RB1: variants seen among roughly 807,000 people sequenced by gnomAD.
The protein encoded by RB1 is RB transcriptional corepressor 1.
Under a neutral mutation model 135.4 loss-of-function variants are expected in RB1, and 18 were observed. The observed-to-expected ratio is 0.13, with a 90% CI of 0.09 to 0.20. RB1 has a LOEUF of 0.20. Among genes scored for constraint, RB1 ranks in the 10% least tolerant of loss-of-function variants. RB1 has a pLI of 1.00. For synonymous variants in RB1, 365 were observed against 373.2 expected, an observed-to-expected ratio of 0.98 and a Z score of 0.25; for missense variants, 868 against 1,110.0, an observed-to-expected ratio of 0.78 and a Z score of 3.10.
intron 2 of RB1, among the ~76,000 whole-genome samples, chr13:48,335,908 G>C (rs923024680): frequency 3.3e-5 from 5 of 151,976 alleles, no homozygotes; most frequent in African/African-American, 7.3e-5. Context: ...GAGTGGATGA[G>C]AGTGCTGAGG....
intron 20 of RB1, among the ~76,000 whole-genome samples, chr13:48,460,082 G>T (rs1949395607): frequency 1.3e-5 from 2 of 150,460 alleles, no homozygotes; most frequent in South Asian, 4.2e-4. Flanking sequence ...TGATTCTCCT[G>T]CCTCAGCCTC....
At chr13:48,441,969 T>C (rs1189655187) in intron 17 of RB1, among the ~76,000 whole-genome samples, 3 of 152,224 alleles carry the variant, frequency 2.0e-5, no homozygotes, top group African/African-American at 7.2e-5. Flanking sequence ...GCCTTGTCAC[T>C]TAGCAGTACA....
rs886043138 is a variant in RB1, at chr13:48,303,928, C to T, written c.16C>T (p.Pro6Ser). ...GAAAGGCGTCATGCCGCCCAAAACC[C>T]CCCGAAAAACGGCCGCCACCGCCGC... MPPKTPRKTAATAAAA... is the reference protein window; with the variant it reads MPPKTSRKTAATAAAA... The change falls in exon 1 of 27, where the codon CCC becomes TCC. Residue 6 changes from proline to serine, a missense_variant. Coordinates refer to ENST00000267163, the MANE Select transcript of RB1 (RefSeq NM_000321.3). 1.3e-5 allele frequency: 19 copies of T among 1,511,630 alleles called. No individual in the cohort carries two copies. In the Admixed American group the frequency reaches 2.9e-4, roughly 23 times the overall value. 93.6% of individuals were successfully genotyped at this position (1,511,630 alleles called of 1,614,324 possible).
At chr13:48,304,091 C>G (rs957863843) in intron 1 of RB1, 42 bp downstream of exon 1, 2 of 1,377,976 alleles carry the variant, frequency 1.5e-6, no homozygotes, top group African/African-American at 3.1e-5. Flanking sequence ...GGGAAGGGCG[C>G]CCCGGGTGTG....
intron 17 of RB1, among the ~76,000 whole-genome samples, chr13:48,445,428 C>A (rs777943843): frequency 2.6e-5 from 4 of 152,188 alleles, no homozygotes; most frequent in Non-Finnish European, 4.4e-5. Flanking sequence ...ATACAGCAAC[C>A]TCTTCTTTAG....
intron 17 of RB1, among the ~76,000 whole-genome samples, chr13:48,404,603 T>C (rs144422975): frequency 2.6e-5 from 4 of 152,066 alleles, no homozygotes; most frequent in African/African-American, 9.7e-5. Flanking sequence ...CTCCGCTCAC[T>C]GCAACCGCTG....
intron 2 of RB1, among the ~76,000 whole-genome samples, chr13:48,331,530 G>A (rs762116422): frequency 1.3e-5 from 2 of 152,096 alleles, no homozygotes; most frequent in African/African-American, 2.4e-5. Context: ...CTCACCATGC[G>A]ATACCCTGCA....
rs1001816384 is a variant in RB1, at chr13:48,330,336, A to G, written c.265-12263A>G. The stretch of plus-strand genomic sequence containing the variant: ...GGGGATAAGAAAGATCACAGCAGAA[A>G]TAAATGAAAGACTCAAAAAACAATA... On this transcript the variant is annotated intron_variant, in intron 2 of 26. Coordinates refer to ENST00000267163, the MANE Select transcript of RB1 (RefSeq NM_000321.3). Among the ~76,000 whole-genome samples the G allele has an allele frequency of 8.5e-5, 13 of 152,288 alleles. 1 individual carries two copies. The East Asian group carries it at 1.9e-3, about 23-fold the overall frequency.
intron 1 of RB1, 31 bp downstream of exon 1, chr13:48,304,080 CG>C (rs1952055666): frequency 3.6e-6 from 5 of 1,390,194 alleles, no homozygotes; most frequent in Non-Finnish European, 4.6e-6. Context: ...TCGCCTCACG[CG>C]GGAAGGGCGC....
At position 48,394,134 on chromosome 13, in the gene RB1, C is replaced by T. The variant is rs145383049; in HGVS notation, c.1695+12691C>T. ...AAGCAGGATGGGGCATCACCTCACC[C>T]GGGAAGCACAAGGGGTTGGGGAACT... On this transcript the variant is annotated intron_variant, in intron 17 of 26. Transcript: ENST00000267163. Among the ~76,000 whole-genome samples the T allele has an allele frequency of 9.8e-3, 1,495 of 152,238 alleles. 26 individuals carry two copies. The highest frequency in any genetic ancestry group is 0.034 in the African/African-American group (1,429 of 41,524).
chr13:48,323,760 T>C (rs187272950), intron 2 of RB1, among the ~76,000 whole-genome samples: 39 of 152,228 alleles, frequency 2.6e-4, no homozygotes, highest in Non-Finnish European at 4.3e-4. Flanking sequence ...TGAGGAACCA[T>C]GGAAGAAATC....
intron 4 of RB1, among the ~76,000 whole-genome samples, chr13:48,347,042 A>T (rs1952505016): frequency 6.6e-6 from 1 of 151,766 alleles, no homozygotes; most frequent in South Asian, 2.1e-4. Context: ...CTGCTATAGT[A>T]ATTTCGACTG....
intron 17 of RB1, among the ~76,000 whole-genome samples, chr13:48,386,813 A>G (rs889016379): frequency 6.6e-6 from 1 of 152,238 alleles, no homozygotes; most frequent in African/African-American, 2.4e-5. Flanking sequence ...CAAGAAGTAC[A>G]TAATTCAGTG....
intron 2 of RB1, chr13:48,340,651 A>G (rs1007901142): frequency 2.8e-5 from 5 of 177,888 alleles, no homozygotes; most frequent in East Asian, 9.5e-5. Context: ...CCTGAGTGCA[A>G]AGAAACAAAC....
chr13:48,386,854 G>A (rs892138875), intron 17 of RB1, among the ~76,000 whole-genome samples: 7 of 152,040 alleles, frequency 4.6e-5, no homozygotes, highest in Non-Finnish European at 8.8e-5. Flanking sequence ...CAAATACATC[G>A]TTATAAAATC....
At chr13:48,432,513 A>G (rs1949140761) in intron 17 of RB1, among the ~76,000 whole-genome samples, 1 of 152,062 alleles carries the variant, frequency 6.6e-6, no homozygotes, top group East Asian at 1.9e-4. Flanking sequence ...CCCCAGATCA[A>G]CAGTTCCATT....
intron 24 of RB1, 73 bp from the exon 25 acceptor site, chr13:48,476,628 C>G (rs2138358548): frequency 6.7e-7 from 1 of 1,502,476 alleles, no homozygotes; most frequent in South Asian, 1.1e-5. Flanking sequence ...ACACCTCAAA[C>G]TATAACTTGA....
intron 17 of RB1, among the ~76,000 whole-genome samples, chr13:48,395,412 G>C (rs148558699): frequency 0.02 from 3,053 of 152,144 alleles, 30 homozygotes; most frequent in Middle Eastern, 0.052. Flanking sequence ...TTCAGAAGGT[G>C]GGTAATAACA....
At chr13:48,455,152 G>A (rs1230545613) in intron 18 of RB1, among the ~76,000 whole-genome samples, 1 of 152,140 alleles carries the variant, frequency 6.6e-6, no homozygotes, top group Non-Finnish European at 1.5e-5. Context: ...TTTTACATTG[G>A]TTTTATGTTG....
Sources: allele counts gnomAD v4.1 joint callset (sites outside exome capture counted in the v4.1 genomes callset), GRCh38; gene constraint gnomAD v4.1.1; transcripts MANE v1.5; gene names NCBI Gene and HGNC (gene_info 2026-07-23, HGNC 2026-07-21).